Variants in ITGA9 observed in about 807,000 individuals in gnomAD.
ITGA9 encodes the protein integrin subunit alpha 9.
In ITGA9, 56 loss-of-function variants were observed where a neutral mutation model predicts 127.8. The ratio of observed to expected loss-of-function variants is 0.44; its 90% CI spans 0.35 to 0.55. The LOEUF (loss-of-function observed/expected upper bound fraction) is 0.55. Ranked by LOEUF, ITGA9 falls within the 20% of genes least tolerant of loss-of-function variation. ITGA9 has a pLI of 0.00. For synonymous variants in ITGA9, 508 were observed against 514.5 expected, an observed-to-expected ratio of 0.99 and a Z score of 0.17; for missense variants, 1,196 against 1,347.1, an observed-to-expected ratio of 0.89 and a Z score of 1.76.
Position 37,473,370 on chromosome 3 carries a change from G to A in ITGA9, c.330G>A (p.Thr110=), listed in dbSNP as rs1312997698. The change falls in exon 3 of 28, where the codon ACG becomes ACA. Residue 110 remains threonine, a synonymous_variant. Transcript: ENST00000264741. ...TTTCTCCAGGGAAGAATCGGGGCAC[G>A]TCCTGCGGAAAGACCTGCCGGGAAG... ...LDMARGKNRG[T]SCGKTCREDR... 4.3e-6 allele frequency: 7 copies of A among 1,613,884 alleles called. No individual in the cohort carries two copies. The highest frequency in any genetic ancestry group is 2.2e-5 in the South Asian group (2 of 91,078).
Position 37,800,071 on chromosome 3 carries a change from AAAT to A in ITGA9, c.2890-3746_2890-3744del, listed in dbSNP as rs140340162. Reference sequence around the variant, plus strand: ...CCAAGGGGATGAACAGCATCCCTAAAAATAATAAGAGATGAAGCCCACATTCCG... The same window carrying A: ...CCAAGGGGATGAACAGCATCCCTAAAAATAAGAGATGAAGCCCACATTCCG... On this transcript the variant is annotated intron_variant, in intron 26 of 27. Coordinates refer to ENST00000264741, the MANE Select transcript of ITGA9 (RefSeq NM_002207.3). 5.6e-3 allele frequency among the ~76,000 whole-genome samples: 855 copies of A among 152,332 alleles called. 8 individuals are homozygous for A. Among genetic ancestry groups the A allele is most frequent in the African/African-American group, 0.019 (806 of 41,558 alleles).
chr3:37,787,884 T>G (rs1348353194), intron 26 of ITGA9, among the ~76,000 whole-genome samples: 1 of 152,226 alleles, frequency 6.6e-6, no homozygotes, highest in Non-Finnish European at 1.5e-5. Flanking sequence ...AACAATCAGA[T>G]TTTTAACCAC....
At chr3:37,818,126 G>GT (rs1450652945) in intron 27 of ITGA9, among the ~76,000 whole-genome samples, 2 of 124,254 alleles carry the variant, frequency 1.6e-5, no homozygotes, top group Non-Finnish European at 3.2e-5. Context: ...CAGGTCCCTG[G>GT]TTTTTTTCCC....
At position 37,736,939 on chromosome 3, in the gene ITGA9, G is replaced by C. The variant is rs978035715; in HGVS notation, c.2190G>C (p.Leu730=). Residue 730 remains leucine (L), a synonymous_variant, in exon 20 of 28, where the codon CTG becomes CTC. Transcript: ENST00000264741. ...EFSVIFDTSH[L]SGEEEVLSFI... ...GCGTGATCTTTGATACAAGCCACCTGTCTGGGGAAGAGGAAGTTCTCAGCT... is the reference window on the plus strand; with the variant it reads ...GCGTGATCTTTGATACAAGCCACCTCTCTGGGGAAGAGGAAGTTCTCAGCT... 9 of 1,613,748 alleles carry C rather than the reference G, an allele frequency of 5.6e-6. No individual in the cohort carries two copies. Among genetic ancestry groups the C allele is most frequent in the African/African-American group, 2.7e-5 (2 of 74,930 alleles).
intron 15 of ITGA9, among the ~76,000 whole-genome samples, chr3:37,606,944 C>T (rs1003614326): frequency 6.7e-6 from 1 of 148,858 alleles, no homozygotes; most frequent in African/African-American, 2.5e-5. Context: ...TGTGAGGGGC[C>T]ATAACAATAG....
intron 23 of ITGA9, among the ~76,000 whole-genome samples, chr3:37,769,567 A>C (rs1227512452): frequency 6.6e-6 from 1 of 152,108 alleles, no homozygotes; most frequent in Admixed American, 6.6e-5. Context: ...CCCCTGCCTC[A>C]GTTCTGGCCA....
chr3:37,678,099 C>T (rs1307434175), intron 17 of ITGA9, among the ~76,000 whole-genome samples: 3 of 152,166 alleles, frequency 2.0e-5, no homozygotes, highest in Non-Finnish European at 4.4e-5. Context: ...GTTGTGTCTA[C>T]CCTTGGCTAC....
At chr3:37,721,813 C>T (rs532520460) in intron 18 of ITGA9, among the ~76,000 whole-genome samples, 117 of 152,338 alleles carry the variant, frequency 7.7e-4, no homozygotes, top group African/African-American at 2.7e-3. Context: ...CACACCTCTT[C>T]AGACTCCATT....
intron 17 of ITGA9, among the ~76,000 whole-genome samples, chr3:37,658,391 G>A (rs1412977701): frequency 6.6e-6 from 1 of 152,076 alleles, no homozygotes; most frequent in African/African-American, 2.4e-5. Context: ...CATATATATT[G>A]ATGATAGTTA....
chr3:37,782,574 C>G (rs1289767928), intron 25 of ITGA9, among the ~76,000 whole-genome samples: 4 of 152,188 alleles, frequency 2.6e-5, no homozygotes, highest in African/African-American at 7.2e-5. Context: ...AAGCTTAGAA[C>G]AAAGTTGACC....
chr3:37,641,732 G>A (rs749322620), intron 16 of ITGA9, among the ~76,000 whole-genome samples: 6 of 151,976 alleles, frequency 3.9e-5, no homozygotes, highest in South Asian at 2.1e-4. Flanking sequence ...CTCCTGCCTC[G>A]CCAGCGCCAC....
intron 23 of ITGA9, among the ~76,000 whole-genome samples, chr3:37,752,062 T>C (rs2125538683): frequency 6.6e-6 from 1 of 152,300 alleles, no homozygotes; most frequent in East Asian, 1.9e-4. Context: ...CATGAGGTGC[T>C]GTAGTGAAGA....
At chr3:37,602,995 C>A (rs538035263) in intron 15 of ITGA9, among the ~76,000 whole-genome samples, 1 of 152,298 alleles carries the variant, frequency 6.6e-6, no homozygotes, top group East Asian at 1.9e-4. Flanking sequence ...GGATCACTCA[C>A]CCCCAATGAT....
intron 19 of ITGA9, among the ~76,000 whole-genome samples, chr3:37,734,425 C>G (rs898168704): frequency 7.9e-5 from 12 of 152,188 alleles, no homozygotes; most frequent in African/African-American, 2.7e-4. Context: ...ATTTTAAACT[C>G]CAGCCTATAT....
chr3:37,677,757 C>T (rs1356684047), intron 17 of ITGA9, among the ~76,000 whole-genome samples: 2 of 152,104 alleles, frequency 1.3e-5, no homozygotes, highest in African/African-American at 2.4e-5. Context: ...CCAAATGGGC[C>T]CCCTTCCAGC....
intron 16 of ITGA9, among the ~76,000 whole-genome samples, chr3:37,641,425 G>A (rs918451455): frequency 6.6e-6 from 1 of 152,160 alleles, no homozygotes; most frequent in African/African-American, 2.4e-5. Flanking sequence ...TCTTTAGGGT[G>A]TCTGGCCCTC....
intron 23 of ITGA9, chr3:37,753,889 C>T (rs892886842): frequency 1.3e-5 from 2 of 152,198 alleles, no homozygotes; most frequent in Non-Finnish European, 2.9e-5. Flanking sequence ...CCCTAGCTTA[C>T]TTTTTTCCTT....
At chr3:37,638,293 G>GCATA (rs1366021061) in intron 16 of ITGA9, among the ~76,000 whole-genome samples, 2 of 152,098 alleles carry the variant, frequency 1.3e-5, no homozygotes, top group East Asian at 3.8e-4. Flanking sequence ...GTATGGCGAG[G>GCATA]TATGTGGCAG....
chr3:37,803,855 C>T lies in ITGA9; in HGVS notation c.2922C>T (p.Pro974=). ...TCGAGGCCCTGCACAATCTGGAGCCCCGTGGCTACGTCGTGGGGTGGATCA... is the reference window on the plus strand; with the variant it reads ...TCGAGGCCCTGCACAATCTGGAGCCTCGTGGCTACGTCGTGGGGTGGATCA... ...VVFEALHNLE[P]RGYVVGWIIA... is the part of the protein sequence containing the mutation. The change falls in exon 27 of 28, where the codon CCC becomes CCT. Residue 974 remains proline (P), a synonymous_variant. Transcript: ENST00000264741. 1.2e-6 allele frequency: 2 copies of T among 1,614,102 alleles called. No individual in the cohort carries two copies. The highest frequency in any genetic ancestry group is 1.7e-6 in the Non-Finnish European group (2 of 1,180,016).
Sources: gnomAD v4.1 joint callset for allele counts (sites outside exome capture counted in the v4.1 genomes callset) on GRCh38, gnomAD v4.1.1 for gene constraint, MANE v1.5 for transcripts, NCBI Gene and HGNC (gene_info 2026-07-23, HGNC 2026-07-21) for gene names.